Variants in IGDCC3 observed in about 807,000 individuals in gnomAD.
The protein encoded by IGDCC3 is immunoglobulin superfamily DCC subclass member 3.
Under a neutral mutation model 72.0 loss-of-function variants are expected in IGDCC3, and 47 were observed. That is an observed-to-expected ratio of 0.65 (90% CI 0.52 to 0.83). The LOEUF (loss-of-function observed/expected upper bound fraction) is 0.83. IGDCC3 is among the 40% of genes least tolerant of loss of function. The pLI is 0.00. For missense variants in IGDCC3, 1,038 were observed against 1,091.3 expected (o/e 0.95, Z 0.69); for synonymous variants, 477 against 472.8 (o/e 1.01, Z -0.11).
At chr15:65,367,346 C>CAAA (rs10609381) in intron 2 of IGDCC3, among the ~76,000 whole-genome samples, 4 of 74,388 alleles carry the variant, frequency 5.4e-5, no homozygotes, top group South Asian at 5.2e-4. Context: ...GACTTTGTCT[C>CAAA]AAAAAAAAAA....
chr15:65,366,399 T>C (rs141046137), intron 2 of IGDCC3, among the ~76,000 whole-genome samples: 48 of 151,134 alleles, frequency 3.2e-4, no homozygotes, highest in African/African-American at 1.1e-3. Context: ...GGAAGAAGGA[T>C]AGAACAATAA....
chr15:65,353,120 T>G (rs749297124), intron 2 of IGDCC3, among the ~76,000 whole-genome samples: 3 of 152,182 alleles, frequency 2.0e-5, no homozygotes, highest in African/African-American at 4.8e-5. Context: ...TTGGAACAAC[T>G]TTACTTATTT....
intron 2 of IGDCC3, among the ~76,000 whole-genome samples, chr15:65,374,801 G>A (rs537136280): frequency 1.3e-5 from 2 of 152,172 alleles, no homozygotes; most frequent in East Asian, 1.9e-4. Flanking sequence ...AAGTATGAAA[G>A]GCATATGGAA....
Position 65,329,547 on chromosome 15 carries a change from G to A in IGDCC3, c.2048C>T (p.Pro683Leu). 6.2e-7 allele frequency: 1 copy of A among 1,609,952 alleles called. No individual in the cohort carries two copies. Among genetic ancestry groups the A allele is most frequent in the Non-Finnish European group, 8.5e-7 (1 of 1,178,974 alleles). Residue 683 changes from proline to leucine, a missense_variant, in exon 13 of 14, where the codon CCC becomes CTC. By Grantham distance (98) the Pro-to-Leu change is moderately conservative. Transcript: ENST00000327987. This position sits in a 1 kb window ranked among gnomAD's most constrained non-coding sequence, Gnocchi z 4.1. ...AATGCCAGGGTCCCTCTGGCTCCGG[G>A]GACCCTGTGGAGGGGACAGCTGGTT... ...VENQLSPPQG[P>L]RSQRDPGILA...
intron 2 of IGDCC3, among the ~76,000 whole-genome samples, chr15:65,371,740 G>C (rs116188179): frequency 6.6e-6 from 1 of 152,188 alleles, no homozygotes; most frequent in South Asian, 2.1e-4. Flanking sequence ...AGGGACTCGG[G>C]GTAGGTCCCC....
Position 65,357,297 on chromosome 15 carries a change from ATGAT to A in IGDCC3, c.409+17796_409+17799del, listed in dbSNP as rs1443225348. ...TCCAGTGTTCTATCAGATTTATTAA[ATGAT>A]TAATCAATTCTTTATCTGTTAAATA... On this transcript the variant is annotated intron_variant, in intron 2 of 13. Coordinates refer to ENST00000327987, the MANE Select transcript of IGDCC3 (RefSeq NM_004884.4). 3.3e-5 allele frequency among the ~76,000 whole-genome samples: 5 copies of A among 152,338 alleles called. No individual in the cohort carries two copies. The South Asian group carries it at 8.3e-4, about 25-fold the overall frequency.
chr15:65,357,359 G>T (rs1015510054), intron 2 of IGDCC3, among the ~76,000 whole-genome samples: 1 of 152,090 alleles, frequency 6.6e-6, no homozygotes, highest in Non-Finnish European at 1.5e-5. Flanking sequence ...GAAGGCTGTT[G>T]GCTAAACCAA....
At chr15:65,361,808 G>T (rs559469978) in intron 2 of IGDCC3, among the ~76,000 whole-genome samples, 1 of 152,206 alleles carries the variant, frequency 6.6e-6, no homozygotes, top group African/African-American at 2.4e-5. Flanking sequence ...GCCGTGCTGG[G>T]GTAGGGGCGC....
In IGDCC3 at chr15:65,346,184, A is replaced by G. The variant is rs1400980191; in HGVS notation, c.410-10228T>C. Among the ~76,000 whole-genome samples, 3 of 152,098 alleles carry G rather than the reference A, an allele frequency of 2.0e-5. 1 individual carries two copies. The highest frequency in any genetic ancestry group is 4.4e-5 in the Non-Finnish European group (3 of 68,032). On this transcript the variant is annotated intron_variant, in intron 2 of 13. Coordinates refer to ENST00000327987, the MANE Select transcript of IGDCC3 (RefSeq NM_004884.4). ...TAAGGTGGTGTTATCACCCCCACTAATGGGCACTGTGCCCCCACATGGCTC... is the reference window on the plus strand; with the variant it reads ...TAAGGTGGTGTTATCACCCCCACTAGTGGGCACTGTGCCCCCACATGGCTC...
At chr15:65,374,924 A>C (rs923676378) in intron 2 of IGDCC3, among the ~76,000 whole-genome samples, 173 bp downstream of exon 2, 5 of 152,204 alleles carry the variant, frequency 3.3e-5, no homozygotes, top group African/African-American at 1.2e-4. Flanking sequence ...AGCATCTGAT[A>C]TAATTCCACC....
rs372201182 is a variant in IGDCC3 at position 65,331,099 on chromosome 15, C to G, written c.1512G>C (p.Arg504Ser). The G allele has an allele frequency of 1.1e-5, 18 of 1,614,142 alleles. No individual in the cohort carries two copies. The Admixed American group carries it at 2.2e-4, about 19-fold the overall frequency. ...TGGGCACAGAGGCTGAGCTGGCCCC[C>G]CTTGGTGTGTAGGCCTTGATGTAGA... is the stretch of plus-strand genomic sequence containing the variant. ...YSFYIKAYTPRGASSASVPTL... is the reference protein window; with the variant it reads ...YSFYIKAYTPSGASSASVPTL... Residue 504 changes from arginine (R) to serine (S), a missense_variant, in exon 9 of 14, where the codon AGG becomes AGC. Physicochemically the swap from Arg to Ser is moderately radical, Grantham distance 110. Coordinates refer to ENST00000327987, the MANE Select transcript of IGDCC3 (RefSeq NM_004884.4).
At chr15:65,341,489 T>A (rs1185850562) in intron 2 of IGDCC3, among the ~76,000 whole-genome samples, 1 of 152,242 alleles carries the variant, frequency 6.6e-6, no homozygotes, top group East Asian at 1.9e-4. Context: ...TATTGACAGA[T>A]GAATAAACAA....
Position 65,329,161 on chromosome 15 carries a change from C to A in IGDCC3, c.2206-13G>T. 2 of 1,597,362 alleles carry A rather than the reference C, an allele frequency of 1.3e-6. No homozygotes were observed. Among genetic ancestry groups the A allele is most frequent in the Non-Finnish European group, 1.7e-6 (2 of 1,173,140 alleles). ...CTGCAGGATCCTGCTGGGGAAAGAG[C>A]CCGTCACACAGGCGTCAGCTTGAGG... On this transcript the variant is annotated splice_polypyrimidine_tract_variant and intron_variant, in intron 13 of 13. Transcript: ENST00000327987. The surrounding 1 kb of genome is among the most constrained non-coding windows in gnomAD (Gnocchi z 4.1).
chr15:65,338,915 T>C (rs79683829), intron 2 of IGDCC3, among the ~76,000 whole-genome samples: 2 of 152,142 alleles, frequency 1.3e-5, no homozygotes, highest in Middle Eastern at 3.4e-3. Flanking sequence ...CTTTTTTTTT[T>C]CTTTTGAGAC....
chr15:65,359,448 A>G (rs1307984922), intron 2 of IGDCC3, among the ~76,000 whole-genome samples: 1 of 152,100 alleles, frequency 6.6e-6, no homozygotes, highest in African/African-American at 2.4e-5. Context: ...CTGGAATCCT[A>G]CAAGTTTCTC....
rs1042946242 is a variant in IGDCC3, at chr15:65,327,726, T to C, written c.*1183A>G. The C allele has an allele frequency of 1.3e-5, 2 of 152,248 alleles. No individual in the cohort carries two copies. The highest frequency in any genetic ancestry group is 2.9e-5 in the Non-Finnish European group (2 of 68,042). The allele number at this position is 152,248 out of a possible 1,614,324, so 9.4% of individuals were successfully genotyped here. A position where few individuals can be genotyped will look rare whatever the true frequency, so the allele number is the denominator to read the frequency against. ...TCCGGCCATGGCTGCTGACAGTGGA[T>C]GCTCCCCTGTCGAGGGGTGGATCAG... On this transcript the variant is annotated 3_prime_UTR_variant, in exon 14 of 14. Transcript: ENST00000327987.
At chr15:65,369,020 G>A (rs766635415) in intron 2 of IGDCC3, among the ~76,000 whole-genome samples, 1 of 152,144 alleles carries the variant, frequency 6.6e-6, no homozygotes, top group African/African-American at 2.4e-5. Context: ...TCTAGTTGAG[G>A]AGACAGATGG....
Position 65,377,597 on chromosome 15 carries a change from C to T in IGDCC3, c.103+89G>A, listed in dbSNP as rs1047375682. ...CGCCCTCAGGTCCGCGCCGCTCTCC[C>T]CGGGTCCGCCCCTCGCGCCCGCTCC... On this transcript the variant is annotated intron_variant, in intron 1 of 13. Coordinates refer to ENST00000327987, the MANE Select transcript of IGDCC3 (RefSeq NM_004884.4). This position sits in a 1 kb window ranked among gnomAD's most constrained non-coding sequence, Gnocchi z 4.9. 3.2e-6 allele frequency: 4 copies of T among 1,264,412 alleles called. No individual in the cohort carries two copies. Among genetic ancestry groups the T allele is most frequent in the South Asian group, 4.5e-5 (2 of 44,888 alleles). The allele number at this position is 1,264,412 out of a possible 1,614,324, so 78.3% of individuals were successfully genotyped here.
chr15:65,356,848 C>CTTTTTTTTTTTTTTTGTTTTTTTTTT (rs2091225411), intron 2 of IGDCC3, among the ~76,000 whole-genome samples: 1 of 70,898 alleles, frequency 1.4e-5, no homozygotes, highest in Non-Finnish European at 2.6e-5. Context: ...AATGGACCTG[C>CTTTTTTTTTTTTTTTGTTTTTTTTTT]TTTTTTTTTT....
Sources: allele counts gnomAD v4.1 joint callset (sites outside exome capture counted in the v4.1 genomes callset), GRCh38; gene constraint gnomAD v4.1.1; non-coding constraint Gnocchi (gnomAD v3.1); transcripts MANE v1.5; gene names NCBI Gene and HGNC (gene_info 2026-07-23, HGNC 2026-07-21).